The following HDHD2 variants were observed in gnomAD, a reference collection of about 807,000 sequenced individuals.
HDHD2 encodes haloacid dehalogenase-like hydrolase domain-containing protein 2.
HDHD2 carries 26 observed loss-of-function variants against 24.8 expected under a neutral mutation model. The ratio of observed to expected loss-of-function variants is 1.05; its 90% CI spans 0.77 to 1.45. The LOEUF is 1.45. HDHD2 is among the 40% of genes most tolerant of loss of function. The pLI, the probability that HDHD2 is intolerant of heterozygous loss-of-function variation, is 0.00. For synonymous variants in HDHD2, 128 were observed against 114.9 expected, an observed-to-expected ratio of 1.11 and a Z score of -0.73; for missense variants, 299 against 313.4, an observed-to-expected ratio of 0.95 and a Z score of 0.35.
At chr18:47,116,670 C>T (rs1045108493) in intron 4 of HDHD2, among the ~76,000 whole-genome samples, 3 of 152,140 alleles carry the variant, frequency 2.0e-5, no homozygotes, top group African/African-American at 7.2e-5. Context: ...ATTCTGTTGG[C>T]TTTAAAGACC....
intron 2 of HDHD2, among the ~76,000 whole-genome samples, chr18:47,135,348 G>A (rs574082170): frequency 7.1e-5 from 10 of 140,996 alleles, no homozygotes; most frequent in East Asian, 6.6e-4. Context: ...CGCAACCTCC[G>A]CCTCCCAGGT....
At chr18:47,144,978 T>C (rs144729185) in intron 1 of HDHD2, among the ~76,000 whole-genome samples, 1 of 152,262 alleles carries the variant, frequency 6.6e-6, no homozygotes, top group African/African-American at 2.4e-5. Context: ...AATGTAATTA[T>C]CATAATGCCT....
At position 47,137,221 on chromosome 18, in the gene HDHD2, T is replaced by C. The variant is rs116464063; in HGVS notation, c.-10-772A>G. On this transcript the variant is annotated intron_variant, in intron 1 of 6. Coordinates refer to ENST00000300605, the MANE Select transcript of HDHD2 (RefSeq NM_032124.5). ...TCCAATTTGATGGGCAATCAATCAC[T>C]GAAACAGACATACCTGCACATTTGG... 9.9e-4 allele frequency: 630 copies of C among 638,942 alleles called. 5 individuals are homozygous for C. In the African/African-American group the frequency reaches 0.011, roughly 11 times the overall value. The allele number at this position is 638,942 out of a possible 1,614,324, so 39.6% of individuals were successfully genotyped here.
chr18:47,110,811 T>C, intron 6 of HDHD2: 1 of 985,152 alleles, frequency 1.0e-6, no homozygotes, highest in Non-Finnish European at 1.2e-6. Flanking sequence ...ATCCTATTTT[T>C]TTTCTAGATG....
intron 1 of HDHD2, among the ~76,000 whole-genome samples, chr18:47,140,408 A>G (rs1458690590): frequency 1.3e-5 from 2 of 152,192 alleles, no homozygotes; most frequent in African/African-American, 4.8e-5. Context: ...ACACAACTCT[A>G]TCATTGCTAT....
chr18:47,126,913 C>T (rs1394990073), intron 4 of HDHD2, among the ~76,000 whole-genome samples: 2 of 152,132 alleles, frequency 1.3e-5, no homozygotes, highest in African/African-American at 4.8e-5. Flanking sequence ...GCCTGTAATC[C>T]CAGCACTTTG....
chr18:47,131,389 T>C (rs993921213), intron 3 of HDHD2, among the ~76,000 whole-genome samples: 1 of 152,190 alleles, frequency 6.6e-6, no homozygotes, highest in Non-Finnish European at 1.5e-5. Context: ...ACTTCCTCCT[T>C]ACCAGTAGCC....
intron 4 of HDHD2, among the ~76,000 whole-genome samples, chr18:47,120,600 C>G (rs2063596659): frequency 6.6e-6 from 1 of 152,180 alleles, no homozygotes; most frequent in Admixed American, 6.5e-5. Context: ...TAATTTCCTT[C>G]AAGAACTTTC....
chr18:47,127,290 T>C (rs2063668071), intron 4 of HDHD2, among the ~76,000 whole-genome samples: 2 of 152,206 alleles, frequency 1.3e-5, no homozygotes, highest in East Asian at 1.9e-4. Flanking sequence ...TGACAAAGCA[T>C]GCACAATACA....
rs559359320 is a variant in HDHD2 at position 47,112,947 on chromosome 18, T to C, written c.676+30A>G. ...AACTGTGTATTCTACTATTCTGTTT[T>C]AGAAAATGCTTTATACAGAAGATAC... is the stretch of plus-strand genomic sequence containing the variant. On this transcript the variant is annotated intron_variant, in intron 6 of 6. Coordinates refer to ENST00000300605, the MANE Select transcript of HDHD2 (RefSeq NM_032124.5). The C allele has an allele frequency of 6.3e-6, 10 of 1,580,956 alleles. No individual in the cohort carries two copies. In the South Asian group the frequency reaches 6.6e-5, roughly 10 times the overall value.
At chr18:47,140,777 A>G (rs1390619042) in intron 1 of HDHD2, among the ~76,000 whole-genome samples, 1 of 152,178 alleles carries the variant, frequency 6.6e-6, no homozygotes, top group East Asian at 1.9e-4. Context: ...TTGGCCTTCC[A>G]AAGTGCTGAG....
rs1360673883 is a variant in HDHD2, at chr18:47,108,178, A to C, written c.*504T>G. 1 of 152,804 alleles carries C rather than the reference A, an allele frequency of 6.5e-6. No individual in the cohort carries two copies. Among genetic ancestry groups the C allele is most frequent in the African/African-American group, 2.4e-5 (1 of 41,480 alleles). 9.5% of individuals were successfully genotyped at this position (152,804 alleles called of 1,614,324 possible). On this transcript the variant is annotated 3_prime_UTR_variant, in exon 7 of 7. Coordinates refer to ENST00000300605, the MANE Select transcript of HDHD2 (RefSeq NM_032124.5). ...AAATTCACTGTACCACTTGGGCTAA[A>C]GAACAATTCACTTTGTTGCTTTCTG...
At chr18:47,126,605 C>T (rs530936614) in intron 4 of HDHD2, among the ~76,000 whole-genome samples, 3 of 152,230 alleles carry the variant, frequency 2.0e-5, no homozygotes, top group African/African-American at 7.2e-5. Flanking sequence ...AAGGCTTCAT[C>T]TATAAATTTA....
intron 4 of HDHD2, among the ~76,000 whole-genome samples, chr18:47,120,831 A>G (rs1354281906): frequency 6.6e-6 from 1 of 152,148 alleles, no homozygotes; most frequent in East Asian, 1.9e-4. Context: ...GCCAGAGGAG[A>G]GGAGAGAGTT....
At chr18:47,121,319 T>C (rs1231402027) in intron 4 of HDHD2, among the ~76,000 whole-genome samples, 1 of 152,096 alleles carries the variant, frequency 6.6e-6, no homozygotes, top group East Asian at 1.9e-4. Context: ...CCCAAAAGTG[T>C]TTCTTTCCCA....
intron 1 of HDHD2, among the ~76,000 whole-genome samples, chr18:47,140,281 G>A (rs1168937170): frequency 6.6e-6 from 1 of 152,116 alleles, no homozygotes; most frequent in African/African-American, 2.4e-5. Context: ...GCAATATCAG[G>A]ACAACTAAGA....
chr18:47,127,106 A>G (rs188767557), intron 4 of HDHD2, among the ~76,000 whole-genome samples: 69 of 152,244 alleles, frequency 4.5e-4, no homozygotes, highest in African/African-American at 1.6e-3. Context: ...GCTTGCAGTG[A>G]GCCAAGATCG....
intron 1 of HDHD2, 71 bp downstream of exon 1, chr18:47,150,307 C>A: frequency 6.6e-6 from 1 of 152,504 alleles, no homozygotes; most frequent in Non-Finnish European, 1.5e-5. Flanking sequence ...TTCCCGAACC[C>A]TGTCACAAAA....
At chr18:47,127,509 T>C (rs1217568884) in intron 4 of HDHD2, among the ~76,000 whole-genome samples, 1 of 152,132 alleles carries the variant, frequency 6.6e-6, no homozygotes, top group Non-Finnish European at 1.5e-5. Context: ...ATTTTGTGAT[T>C]AGATATTTTT....
Sources: gnomAD v4.1 joint callset for allele counts (sites outside exome capture counted in the v4.1 genomes callset) on GRCh38, gnomAD v4.1.1 for gene constraint, MANE v1.5 for transcripts, NCBI Gene and HGNC (gene_info 2026-07-23, HGNC 2026-07-21) for gene names.